The following TXNDC11 variants were observed in gnomAD, a reference collection of about 807,000 sequenced individuals.
The protein encoded by TXNDC11 is thioredoxin domain containing 11, also known as thioredoxin domain-containing protein 11.
In TXNDC11, 68 loss-of-function variants were observed where a neutral mutation model predicts 78.0. That is an observed-to-expected ratio of 0.87 (90% CI 0.72 to 1.07). The LOEUF is 1.07. Among genes scored for constraint, TXNDC11 ranks in the 50% least tolerant of loss-of-function variants. The probability of loss-of-function intolerance (pLI) is 0.00; values close to 1 mark genes in which losing one functional copy is unlikely to be tolerated. For synonymous variants in TXNDC11, 571 were observed against 495.2 expected, an observed-to-expected ratio of 1.15 and a Z score of -2.03; for missense variants, 1,389 against 1,221.8, an observed-to-expected ratio of 1.14 and a Z score of -2.04.
chr16:11,741,510 A>T (rs1465511780), intron 1 of TXNDC11, among the ~76,000 whole-genome samples: 1 of 152,074 alleles, frequency 6.6e-6, no homozygotes. Context: ...TGTTCGCTCT[A>T]CCGTGGACAC....
Position 11,688,401 on chromosome 16 carries a change from T to C in TXNDC11, c.1945A>G (p.Arg649Gly). ...NFSVLYSPLKRHLIGSGSAQF... is the reference protein window; with the variant it reads ...NFSVLYSPLKGHLIGSGSAQF... Reference sequence around the variant, plus strand: ...GCAGAGCCACTTCCAATGAGATGCCTTTTCAAGGGACTATAGAGAACGCTG... The same window carrying C: ...GCAGAGCCACTTCCAATGAGATGCCCTTTCAAGGGACTATAGAGAACGCTG... Residue 649 changes from arginine to glycine, a missense_variant, in exon 9 of 12, where the codon AGG becomes GGG. Physicochemically the swap from Arg to Gly is moderately radical, Grantham distance 125. Transcript: ENST00000283033. 1 of 1,613,758 alleles carries C rather than the reference T, an allele frequency of 6.2e-7. No homozygotes were observed. Among genetic ancestry groups the C allele is most frequent in the Non-Finnish European group, 8.5e-7 (1 of 1,179,762 alleles).
rs779853678 is a variant in TXNDC11 at position 11,691,936 on chromosome 16, G to C, written c.1254C>G (p.Ile418Met). 6.2e-7 allele frequency: 1 copy of C among 1,612,288 alleles called. No homozygotes were observed. The highest frequency in any genetic ancestry group is 2.2e-5 in the East Asian group (1 of 44,822). Residue 418 changes from isoleucine (I) to methionine (M), a missense_variant, in exon 8 of 12, where the codon ATC becomes ATG. Physicochemically the swap from Ile to Met is conservative, Grantham distance 10. Transcript: ENST00000283033. ...VPAQLPDPPTITASPCCNTVV... is the reference protein window; with the variant it reads ...VPAQLPDPPTMTASPCCNTVV... ...CAGTGTTGCAGCAGGGGGACGCTGT[G>C]ATCGTTGGCGGGTCTGGCAGCTGTG...
intron 5 of TXNDC11, among the ~76,000 whole-genome samples, chr16:11,703,982 T>C (rs1379862474): frequency 6.6e-6 from 1 of 152,088 alleles, no homozygotes; most frequent in Non-Finnish European, 1.5e-5. Flanking sequence ...ATTCCAGCTA[T>C]CTGGGAGGCT....
rs534127989 is a variant in TXNDC11 at position 11,736,487 on chromosome 16, T to C, written c.255-254A>G. ...AGTGGAGAGCAGAGAAGGATGTCTC[T>C]GAATAATCCATATTCCTGCTCCCCA... On this transcript the variant is annotated intron_variant, in intron 1 of 11. Transcript: ENST00000283033. Among the ~76,000 whole-genome samples, 157 of 152,316 alleles carry C rather than the reference T, an allele frequency of 1.0e-3. 1 individual carries two copies. The highest frequency in any genetic ancestry group is 2.0e-3 in the Non-Finnish European group (139 of 68,020).
chr16:11,728,925 T>C (rs2051962310), intron 4 of TXNDC11, among the ~76,000 whole-genome samples: 1 of 151,774 alleles, frequency 6.6e-6, no homozygotes, highest in Non-Finnish European at 1.5e-5. Flanking sequence ...CACTTGAACC[T>C]GAGAGATGGA....
chr16:11,707,049 T>G (rs117327873), intron 5 of TXNDC11, among the ~76,000 whole-genome samples: 313 of 152,310 alleles, frequency 2.1e-3, no homozygotes, highest in Middle Eastern at 0.017. Context: ...TTGGGGATCC[T>G]AGAACTAATC....
In TXNDC11 at chr16:11,736,149, C is replaced by T; in HGVS notation, c.339G>A (p.Gly113=). 2 of 1,614,148 alleles carry T rather than the reference C, an allele frequency of 1.2e-6. No individual in the cohort carries two copies. The highest frequency in any genetic ancestry group is 1.7e-6 in the Non-Finnish European group (2 of 1,180,010). ...LRSPVLDLFQ[G]QLDYAEYVRR... The stretch of plus-strand genomic sequence containing the variant: ...GAACGTACTCTGCATAATCCAGCTG[C>T]CCCTGGAAGAGGTCAAGGACTGGAG... Residue 113 remains glycine, a synonymous_variant, in exon 2 of 12, where the codon GGG becomes GGA. Transcript: ENST00000283033.
chr16:11,735,122 T>C (rs2052182246), intron 2 of TXNDC11, among the ~76,000 whole-genome samples: 1 of 152,236 alleles, frequency 6.6e-6, no homozygotes, highest in Admixed American at 6.5e-5. Context: ...GGAATGCAAC[T>C]TCTATGTAAA....
In TXNDC11 at chr16:11,679,597, C is replaced by T. The variant is rs1399935174; in HGVS notation, c.2475G>A (p.Glu825=). 3 of 1,614,048 alleles carry T rather than the reference C, an allele frequency of 1.9e-6. No homozygotes were observed. The highest frequency in any genetic ancestry group is 2.2e-5 in the East Asian group (1 of 44,904). Residue 825 remains glutamate, a synonymous_variant, in exon 12 of 12, where the codon GAG becomes GAA. Coordinates refer to ENST00000283033, the MANE Select transcript of TXNDC11 (RefSeq NM_015914.7). The surrounding 1 kb of genome is among the most constrained non-coding windows in gnomAD (Gnocchi z 4.6). ...SSLQRAQVQV[E]SQLSSARRDE... ...CTCTGCGGGCACTGGAGAGCTGGGACTCCACCTGCACTTGTGCTCGCTGGA... is the reference window on the plus strand; with the variant it reads ...CTCTGCGGGCACTGGAGAGCTGGGATTCCACCTGCACTTGTGCTCGCTGGA...
chr16:11,701,628 A>G (rs2051028813), intron 5 of TXNDC11, among the ~76,000 whole-genome samples: 1 of 152,214 alleles, frequency 6.6e-6, no homozygotes, highest in Admixed American at 6.5e-5. Context: ...AACCACAGAA[A>G]AGGAAATATG....
intron 1 of TXNDC11, among the ~76,000 whole-genome samples, chr16:11,738,661 G>GAA (rs58616825): frequency 0.084 from 11,575 of 138,274 alleles, 507 homozygotes; most frequent in South Asian, 0.19. Context: ...GGCACTACAG[G>GAA]AAAAAAAAAA....
intron 5 of TXNDC11, among the ~76,000 whole-genome samples, chr16:11,709,206 G>T (rs572607638): frequency 6.6e-6 from 1 of 151,792 alleles, no homozygotes; most frequent in African/African-American, 2.4e-5. Flanking sequence ...CAGATACATT[G>T]TGGTGTTTGC....
chr16:11,738,846 C>T (rs62040615), intron 1 of TXNDC11, among the ~76,000 whole-genome samples: 20 of 152,054 alleles, frequency 1.3e-4, no homozygotes, highest in East Asian at 5.8e-4. Flanking sequence ...TGACCAACAC[C>T]GGGAAACCCC....
chr16:11,682,430 G>A (rs1296898692), intron 11 of TXNDC11, among the ~76,000 whole-genome samples: 1 of 152,188 alleles, frequency 6.6e-6, no homozygotes, highest in African/African-American at 2.4e-5. Flanking sequence ...GGAGAAATGC[G>A]CACATCTTCA....
chr16:11,707,637 C>CA (rs906586481), intron 5 of TXNDC11, among the ~76,000 whole-genome samples: 7 of 151,602 alleles, frequency 4.6e-5, no homozygotes, highest in African/African-American at 1.7e-4. Flanking sequence ...TTAGTACAGA[C>CA]AGAGTTTCAC....
chr16:11,703,509 TACACACACACACACACACACAC>T (rs34963301), intron 5 of TXNDC11, among the ~76,000 whole-genome samples: 1 of 144,938 alleles, frequency 6.9e-6, no homozygotes, highest in Non-Finnish European at 1.5e-5. Flanking sequence ...AGGCTTTTGA[TACACACACACACACACACACAC>T]ACACACACAC....
chr16:11,735,140 C>A (rs1445260993), intron 2 of TXNDC11, among the ~76,000 whole-genome samples: 4 of 152,174 alleles, frequency 2.6e-5, no homozygotes, highest in African/African-American at 9.7e-5. Context: ...AAACTGAGAG[C>A]AGAAAGGGCT....
intron 8 of TXNDC11, 54 bp downstream of exon 8, chr16:11,691,236 A>G: frequency 6.8e-7 from 1 of 1,469,132 alleles, no homozygotes; most frequent in African/African-American, 1.4e-5. Flanking sequence ...AAATTTACCC[A>G]TATGAAGTCA....
chr16:11,691,748 G>T lies in TXNDC11; in HGVS notation c.1442C>A (p.Thr481Asn), dbSNP rs754016031. 1 of 1,614,226 alleles carries T rather than the reference G, an allele frequency of 6.2e-7. No homozygotes were observed. The highest frequency in any genetic ancestry group is 1.1e-5 in the South Asian group (1 of 91,088). Reference sequence around the variant, plus strand: ...GCTGTCTGATGCCACATGATAAAAGGTCTGCTCCTTGAGGTAGAAAGAATC... The same window carrying T: ...GCTGTCTGATGCCACATGATAAAAGTTCTGCTCCTTGAGGTAGAAAGAATC... ...ALDSFYLKEQTFYHVASDSIE... is the reference protein window; with the variant it reads ...ALDSFYLKEQNFYHVASDSIE... The change falls in exon 8 of 12, where the codon ACC becomes AAC. Residue 481 changes from threonine to asparagine, a missense_variant. Coordinates refer to ENST00000283033, the MANE Select transcript of TXNDC11 (RefSeq NM_015914.7).
Sources: allele counts gnomAD v4.1 joint callset (sites outside exome capture counted in the v4.1 genomes callset), GRCh38; gene constraint gnomAD v4.1.1; non-coding constraint Gnocchi (gnomAD v3.1); transcripts MANE v1.5; gene names NCBI Gene and HGNC (gene_info 2026-07-23, HGNC 2026-07-21).